The following GPATCH8 variants were observed in gnomAD, a reference collection of about 807,000 sequenced individuals.
GPATCH8 encodes G patch domain-containing protein 8.
A neutral mutation model predicts 118.3 loss-of-function variants in GPATCH8; 18 were observed. The observed-to-expected ratio is 0.15, with a 90% CI of 0.11 to 0.23. The LOEUF (loss-of-function observed/expected upper bound fraction) is 0.23, where lower values mean the gene tolerates loss of function less well. Among genes scored for constraint, GPATCH8 ranks in the 10% least tolerant of loss-of-function variants. The pLI, the probability that GPATCH8 is intolerant of heterozygous loss-of-function variation, is 1.00. For synonymous variants in GPATCH8, 659 were observed against 684.7 expected (o/e 0.96, Z 0.59); for missense variants, 1,631 against 1,873.8 (o/e 0.87, Z 2.39).
At chr17:44,482,443 G>A (rs144708368) in intron 1 of GPATCH8, among the ~76,000 whole-genome samples, 1,972 of 151,262 alleles carry the variant, frequency 0.013, 45 homozygotes, top group African/African-American at 0.045. Context: ...GTGTGGTGGC[G>A]GGCGCCTGTA....
At position 44,396,253 on chromosome 17, in the gene GPATCH8, A is replaced by C. The variant is rs775566598; in HGVS notation, c.*1315T>G. On this transcript the variant is annotated 3_prime_UTR_variant, in exon 8 of 8. Transcript: ENST00000591680. ...CAGGAATCCCCCCAGACAATCACCA[A>C]ATCTCACTGCTTCCAGACAATAAAG... 3 of 454,372 alleles carry C rather than the reference A, an allele frequency of 6.6e-6. No homozygotes were observed. The highest frequency in any genetic ancestry group is 6.9e-4 in the Middle Eastern group (1 of 1,444). 28.1% of individuals were successfully genotyped at this position (454,372 alleles called of 1,614,324 possible).
At chr17:44,501,856 G>A (rs1364965178) in intron 1 of GPATCH8, among the ~76,000 whole-genome samples, 1 of 151,890 alleles carries the variant, frequency 6.6e-6, no homozygotes, top group East Asian at 1.9e-4. Flanking sequence ...GTCTCTACCG[G>A]TAATTTAAAA....
At chr17:44,444,985 A>G (rs772476176) in intron 3 of GPATCH8, among the ~76,000 whole-genome samples, 4 of 152,226 alleles carry the variant, frequency 2.6e-5, no homozygotes, top group Non-Finnish European at 5.9e-5. Flanking sequence ...CAAGATACTA[A>G]TGATTTAACT....
chr17:44,411,919 T>C (rs970273595), intron 6 of GPATCH8, among the ~76,000 whole-genome samples: 5 of 152,066 alleles, frequency 3.3e-5, no homozygotes, highest in Non-Finnish European at 7.4e-5. Context: ...ACAGCAAGAC[T>C]GTGTCTATAA....
At chr17:44,464,960 ACT>A (rs1309522767) in intron 2 of GPATCH8, 5 of 187,344 alleles carry the variant, frequency 2.7e-5, no homozygotes, top group African/African-American at 1.2e-4. Context: ...GAAAATCTAC[ACT>A]GTGTTTAGTT....
At chr17:44,423,655 G>A (rs1253495459) in intron 6 of GPATCH8, among the ~76,000 whole-genome samples, 3 of 152,150 alleles carry the variant, frequency 2.0e-5, no homozygotes, top group South Asian at 4.1e-4. Flanking sequence ...TGTCCTATAG[G>A]TGTAACAATT....
chr17:44,429,649 AACACACACACACAC>A lies in GPATCH8; in HGVS notation c.349-5171_349-5158del, dbSNP rs144232073. 8.8e-4 allele frequency among the ~76,000 whole-genome samples: 111 copies of A among 125,690 alleles called. 1 individual carries two copies. The highest frequency in any genetic ancestry group is 3.0e-3 in the African/African-American group (106 of 35,388). The allele number at this position is 125,690 out of a possible 152,430, so 82.5% of individuals were successfully genotyped here. A position where few individuals can be genotyped will look rare whatever the true frequency, so the allele number is the denominator to read the frequency against. On this transcript the variant is annotated intron_variant, in intron 5 of 7. Coordinates refer to ENST00000591680, the MANE Select transcript of GPATCH8 (RefSeq NM_001002909.4). Reference sequence around the variant, plus strand: ...ACATGGTGAAACCCCGTCTCTACTAAACACACACACACACACACACACACACACACACACACAAA... The same window carrying A: ...ACATGGTGAAACCCCGTCTCTACTAAACACACACACACACACACACACAAA...
intron 1 of GPATCH8, among the ~76,000 whole-genome samples, chr17:44,475,600 A>G (rs1190861358): frequency 1.3e-5 from 2 of 151,878 alleles, no homozygotes; most frequent in Non-Finnish European, 2.9e-5. Context: ...AGGCTGAGGC[A>G]GGAGAATGGC....
At chr17:44,424,554 T>C in intron 5 of GPATCH8, 62 bp from the exon 6 acceptor site, 2 of 1,231,278 alleles carry the variant, frequency 1.6e-6, no homozygotes, top group Middle Eastern at 1.9e-4. Context: ...TAAGTGAATG[T>C]TATAGAGAAA....
At chr17:44,419,771 C>G (rs941764807) in intron 6 of GPATCH8, among the ~76,000 whole-genome samples, 1 of 152,130 alleles carries the variant, frequency 6.6e-6, no homozygotes, top group African/African-American at 2.4e-5. Flanking sequence ...ACAGATCTTC[C>G]TGCCTCAGCC....
At chr17:44,422,985 ACGGCCGGGCGCAG>A (rs2049966716) in intron 6 of GPATCH8, among the ~76,000 whole-genome samples, 2 of 150,882 alleles carry the variant, frequency 1.3e-5, no homozygotes, top group African/African-American at 4.9e-5. Context: ...AAGAATGTCC[ACGGCCGGGCGCAG>A]TGGCTCACAC....
intron 5 of GPATCH8, among the ~76,000 whole-genome samples, chr17:44,428,400 C>T (rs956284452): frequency 1.3e-5 from 2 of 151,050 alleles, no homozygotes; most frequent in African/African-American, 2.4e-5. Flanking sequence ...GGCTGAGGCA[C>T]GAGAATCACT....
At position 44,398,462 on chromosome 17, in the gene GPATCH8, T is replaced by A; in HGVS notation, c.3615A>T (p.Pro1205=). Residue 1205 remains proline, a synonymous_variant, in exon 8 of 8, where the codon CCA becomes CCT. Transcript: ENST00000591680. ...CTCCAGACTTTGACTCTTCTGGGGG[T>A]GGGTCTAATAAGGGGCCAGTTGTTT... is the stretch of plus-strand genomic sequence containing the variant. ...SEETTGPLLD[P]PPEESKSGEA... 1 of 1,611,562 alleles carries A rather than the reference T, an allele frequency of 6.2e-7. No individual in the cohort carries two copies. Among genetic ancestry groups the A allele is most frequent in the Non-Finnish European group, 8.5e-7 (1 of 1,178,716 alleles).
chr17:44,414,133 A>ATATATGTG (rs1567955680), intron 6 of GPATCH8, among the ~76,000 whole-genome samples: 18 of 30,454 alleles, frequency 5.9e-4, no homozygotes, highest in African/African-American at 1.6e-3. Context: ...ATATGTGTAT[A>ATATATGTG]TATATATATG....
At position 44,483,170 on chromosome 17, in the gene GPATCH8, AAAAAAAATAT is replaced by A. The variant is rs1216504590; in HGVS notation, c.46-8277_46-8268del. ...ACTCCGTCTCAAAAAAAAAAAAAAA[AAAAAAAATAT>A]ATATATATATATATATATATATATA... On this transcript the variant is annotated intron_variant, in intron 1 of 7. Transcript: ENST00000591680. Among the ~76,000 whole-genome samples the A allele has an allele frequency of 2.7e-3, 60 of 21,858 alleles. 14 individuals carry two copies. Among genetic ancestry groups the A allele is most frequent in the African/African-American group, 7.1e-3 (57 of 8,002 alleles). 14.3% of individuals were successfully genotyped at this position (21,858 alleles called of 152,430 possible).
chr17:44,468,998 AT>A (rs1480180993), intron 2 of GPATCH8, among the ~76,000 whole-genome samples: 1 of 152,202 alleles, frequency 6.6e-6, no homozygotes, highest in Admixed American at 6.5e-5. Flanking sequence ...TTGGTTGGAA[AT>A]GAAGTTCTTC....
chr17:44,441,451 T>A (rs929434682), intron 3 of GPATCH8, among the ~76,000 whole-genome samples: 1 of 152,038 alleles, frequency 6.6e-6, no homozygotes, highest in East Asian at 1.9e-4. Flanking sequence ...TGGCTAGGCA[T>A]GGTGGCTCAT....
In GPATCH8 at chr17:44,502,025, A is replaced by C. The variant is rs116250071; in HGVS notation, c.45+1301T>G. The stretch of plus-strand genomic sequence containing the variant: ...TGCATTATATCCTTAGAACATCCTG[A>C]GACTCTCCTGTATTGTGCTGCAGCT... On this transcript the variant is annotated intron_variant, in intron 1 of 7. Transcript: ENST00000591680. Among the ~76,000 whole-genome samples, 1,011 of 152,240 alleles carry C rather than the reference A, an allele frequency of 6.6e-3. 4 individuals are homozygous for C. Among genetic ancestry groups the C allele is most frequent in the African/African-American group, 0.023 (952 of 41,534 alleles).
chr17:44,397,590 T>C lies in GPATCH8; in HGVS notation c.4487A>G (p.His1496Arg). 1.2e-6 allele frequency: 2 copies of C among 1,612,744 alleles called. No individual in the cohort carries two copies. The highest frequency in any genetic ancestry group is 1.7e-6 in the Non-Finnish European group (2 of 1,178,994). The change falls in exon 8 of 8, where the codon CAT becomes CGT. Residue 1496 changes from histidine to arginine, a missense_variant. By Grantham distance (29) the His-to-Arg change is conservative (BLOSUM62 0). Coordinates refer to ENST00000591680, the MANE Select transcript of GPATCH8 (RefSeq NM_001002909.4). ...HPIFSGQDLQ[H>R]PPSHGT Reference sequence around the variant, plus strand: ...AACTCACGTGCCATGGCTGGGGGGATGTTGCAGGTCCTGACCTGAGAAGAT... The same window carrying C: ...AACTCACGTGCCATGGCTGGGGGGACGTTGCAGGTCCTGACCTGAGAAGAT...
Sources: allele counts gnomAD v4.1 joint callset (sites outside exome capture counted in the v4.1 genomes callset), GRCh38; gene constraint gnomAD v4.1.1; transcripts MANE v1.5; gene names NCBI Gene and HGNC (gene_info 2026-07-23, HGNC 2026-07-21).